The following GEMIN5 variants were observed in gnomAD, a reference collection of about 807,000 sequenced individuals.
The protein encoded by GEMIN5 is gem-associated protein 5.
GEMIN5 carries 124 observed loss-of-function variants against 176.9 expected under a neutral mutation model. That is an observed-to-expected ratio of 0.70 (90% CI 0.61 to 0.81). The LOEUF is 0.81. GEMIN5 is among the 40% of genes least tolerant of loss of function. The probability of loss-of-function intolerance (pLI) is 0.00; values close to 1 mark genes in which losing one functional copy is unlikely to be tolerated. For missense variants in GEMIN5, 1,843 were observed against 1,814.6 expected (o/e 1.02, Z -0.28); for synonymous variants, 673 against 665.2 (o/e 1.01, Z -0.18).
chr5:154,904,611 C>T lies in GEMIN5; in HGVS notation c.2528G>A (p.Arg843Lys), dbSNP rs1029040861. ...KEKPETLIKK[R>K]KARSLLPLST... ...CAGGGGAAGCAAGGAACGAGCTTTT[C>T]TCTTCTTGATTAAGGTTTCTGAAAT... Residue 843 changes from arginine (R) to lysine (K), a missense_variant, in exon 18 of 28, where the codon AGA becomes AAA. By Grantham distance (26) the Arg-to-Lys change is conservative. Coordinates refer to ENST00000285873, the MANE Select transcript of GEMIN5 (RefSeq NM_015465.5). 1.2e-6 allele frequency: 2 copies of T among 1,611,566 alleles called. No homozygotes were observed. Among genetic ancestry groups the T allele is most frequent in the East Asian group, 2.2e-5 (1 of 44,866 alleles).
chr5:154,925,217 T>C (rs1299383595), intron 8 of GEMIN5, among the ~76,000 whole-genome samples: 1 of 152,182 alleles, frequency 6.6e-6, no homozygotes, highest in African/African-American at 2.4e-5. Flanking sequence ...TACAGTTCTA[T>C]TAATATTAAA....
chr5:154,936,961 G>A (rs1159950613), intron 2 of GEMIN5, 64 bp downstream of exon 2: 2 of 1,292,912 alleles, frequency 1.5e-6, no homozygotes, highest in Admixed American at 2.2e-5. Context: ...AAACTAGCTT[G>A]CAACAGAAGA....
intron 13 of GEMIN5, among the ~76,000 whole-genome samples, chr5:154,916,445 A>G (rs1763810778): frequency 6.6e-6 from 1 of 152,164 alleles, no homozygotes; most frequent in Non-Finnish European, 1.5e-5. Context: ...GCAAGCCAAT[A>G]ACACTGGTTA....
intron 24 of GEMIN5, chr5:154,892,791 T>C: frequency 4.4e-6 from 2 of 454,738 alleles, no homozygotes; most frequent in Non-Finnish European, 7.8e-6. Context: ...CACCTTTACA[T>C]TTGCATTTAA....
In GEMIN5 at chr5:154,912,042, T is replaced by C. The variant is rs1763714171; in HGVS notation, c.1996-144A>G. The C allele has an allele frequency of 1.8e-5, 13 of 733,866 alleles. No homozygotes were observed. In the South Asian group the frequency reaches 2.0e-4, roughly 11 times the overall value. The allele number at this position is 733,866 out of a possible 1,614,324, so 45.5% of individuals were successfully genotyped here. A position where few individuals can be genotyped will look rare whatever the true frequency, so the allele number is the denominator to read the frequency against. Reference sequence around the variant, plus strand: ...CCTCAGGTGATTTAGAGTTTTCTCTTAGAAGTTCAATTTCAGAAGAGTGCT... The same window carrying C: ...CCTCAGGTGATTTAGAGTTTTCTCTCAGAAGTTCAATTTCAGAAGAGTGCT... On this transcript the variant is annotated intron_variant, in intron 14 of 27. Coordinates refer to ENST00000285873, the MANE Select transcript of GEMIN5 (RefSeq NM_015465.5).
chr5:154,903,217 C>T, intron 18 of GEMIN5, 42 bp from the exon 19 acceptor site: 1 of 1,249,800 alleles, frequency 8.0e-7, no homozygotes, highest in South Asian at 1.2e-5. Flanking sequence ...GAAGTCATTA[C>T]ATTGATTACA....
intron 13 of GEMIN5, among the ~76,000 whole-genome samples, chr5:154,914,026 ATT>A (rs1015026878): frequency 6.9e-6 from 1 of 145,862 alleles, no homozygotes. Flanking sequence ...TACACACATA[ATT>A]TTTTTTTTTT....
At chr5:154,906,732 A>G (rs906974386) in intron 16 of GEMIN5, among the ~76,000 whole-genome samples, 3 of 152,166 alleles carry the variant, frequency 2.0e-5, no homozygotes, top group Non-Finnish European at 4.4e-5. Flanking sequence ...TAATAAATCC[A>G]TTAGGCTTTT....
chr5:154,925,176 G>A (rs200903180), intron 8 of GEMIN5, among the ~76,000 whole-genome samples: 2 of 151,878 alleles, frequency 1.3e-5, no homozygotes, highest in African/African-American at 2.4e-5. Context: ...CTGTCGAGTC[G>A]GAATAAGAGA....
intron 7 of GEMIN5, 100 bp from the exon 8 acceptor site, chr5:154,926,174 G>C (rs956110436): frequency 5.5e-5 from 38 of 688,204 alleles, no homozygotes; most frequent in Non-Finnish European, 8.1e-5. Context: ...GACTGGGTAA[G>C]GATAATGCAT....
At position 154,936,416 on chromosome 5, in the gene GEMIN5, C is replaced by CAAAAAA. The variant is rs1303685123; in HGVS notation, c.328-400_328-395dup. On this transcript the variant is annotated intron_variant, in intron 2 of 27. Coordinates refer to ENST00000285873, the MANE Select transcript of GEMIN5 (RefSeq NM_015465.5). ...TGGGCGACAGAGCCAGACTCCGTCT[C>CAAAAAA]AAAAAAAAAAAAAAAAGTAATTAAT... is the stretch of plus-strand genomic sequence containing the variant. Among the ~76,000 whole-genome samples, 100 of 14,884 alleles carry CAAAAAA rather than the reference C, an allele frequency of 6.7e-3. 2 individuals carry two copies. The highest frequency in any genetic ancestry group is 0.012 in the African/African-American group (96 of 8,316). The allele number at this position is 14,884 out of a possible 152,430, so 9.8% of individuals were successfully genotyped here.
intron 24 of GEMIN5, 166 bp from the exon 25 acceptor site, chr5:154,892,715 T>G (rs1763261524): frequency 1.6e-6 from 1 of 620,592 alleles, no homozygotes; most frequent in East Asian, 2.8e-5. Context: ...CATCGGAAAC[T>G]CTCATGTCTA....
Position 154,902,595 on chromosome 5 carries a change from T to C in GEMIN5, c.2810A>G (p.Gln937Arg), listed in dbSNP as rs777002031. 6 of 1,614,058 alleles carry C rather than the reference T, an allele frequency of 3.7e-6. No homozygotes were observed. In the South Asian group the frequency reaches 6.6e-5, roughly 18 times the overall value. Residue 937 changes from glutamine to arginine, a missense_variant, in exon 20 of 28, where the codon CAG becomes CGG. Coordinates refer to ENST00000285873, the MANE Select transcript of GEMIN5 (RefSeq NM_015465.5). ...LWKGDLKGVL[Q>R]TAAERGELTD... ...CAGCTCCCCTCTTTCTGCTGCAGTC[T>C]GGAGAACACCTTTGAGATCTCCTTT...
intron 9 of GEMIN5, among the ~76,000 whole-genome samples, chr5:154,923,688 C>T (rs1763972039): frequency 6.6e-6 from 1 of 152,240 alleles, no homozygotes; most frequent in Non-Finnish European, 1.5e-5. Flanking sequence ...CAAAACCATT[C>T]TTAATTCATG....
At chr5:154,901,769 TAA>T (rs1344157148) in intron 20 of GEMIN5, among the ~76,000 whole-genome samples, 1 of 144,792 alleles carries the variant, frequency 6.9e-6, no homozygotes, top group Non-Finnish European at 1.5e-5. Context: ...GAGCCAAAGG[TAA>T]CATGACTACG....
At chr5:154,936,249 T>A (rs1215104997) in intron 2 of GEMIN5, among the ~76,000 whole-genome samples, 1 of 152,062 alleles carries the variant, frequency 6.6e-6, no homozygotes, top group Non-Finnish European at 1.5e-5. Flanking sequence ...ACCCCATCTC[T>A]GCTAAAAACA....
At position 154,907,771 on chromosome 5, in the gene GEMIN5, C is replaced by T. The variant is rs1424674723; in HGVS notation, c.2215G>A (p.Ala739Thr). Residue 739 changes from alanine (A) to threonine (T), a missense_variant, in exon 16 of 28, where the codon GCA becomes ACA. Transcript: ENST00000285873. The part of the protein sequence containing the change: ...LEKKRLSQPK[A>T]KPKKKKKPTL... ...GGCTTTTTCTTCTTTTTGGGCTTTG[C>T]CTTAGGTTGAGAGAGCCGTTTTTTC... 2 of 1,613,940 alleles carry T rather than the reference C, an allele frequency of 1.2e-6. No homozygotes were observed. The highest frequency in any genetic ancestry group is 1.7e-6 in the Non-Finnish European group (2 of 1,180,008).
intron 22 of GEMIN5, among the ~76,000 whole-genome samples, chr5:154,898,916 G>C (rs985407111): frequency 6.6e-6 from 1 of 152,124 alleles, no homozygotes; most frequent in Non-Finnish European, 1.5e-5. Flanking sequence ...ATGGGTTGAG[G>C]TTCCTTTATT....
Position 154,907,721 on chromosome 5 carries a change from C to A in GEMIN5, c.2265G>T (p.Leu755=). The A allele has an allele frequency of 6.2e-7, 1 of 1,614,114 alleles. No individual in the cohort carries two copies. Among genetic ancestry groups the A allele is most frequent in the South Asian group, 1.1e-5 (1 of 91,072 alleles). Residue 755 remains leucine, a synonymous_variant, in exon 16 of 28, where the codon CTG becomes CTT. Transcript: ENST00000285873. ...CTTCTTCATTTCCATCAATCGATTCCAGCTTTACAGGAGTTCTCAAGGTGG... is the reference window on the plus strand; with the variant it reads ...CTTCTTCATTTCCATCAATCGATTCAAGCTTTACAGGAGTTCTCAAGGTGG... The part of the protein sequence containing the change: ...KKPTLRTPVK[L]ESIDGNEEES...
Sources: gnomAD v4.1 joint callset for allele counts (sites outside exome capture counted in the v4.1 genomes callset) on GRCh38, gnomAD v4.1.1 for gene constraint, MANE v1.5 for transcripts, NCBI Gene and HGNC (gene_info 2026-07-23, HGNC 2026-07-21) for gene names.